Variants in PARP4 observed in about 807,000 individuals in gnomAD.
The protein encoded by PARP4 is protein mono-ADP-ribosyltransferase PARP4.
Under a neutral mutation model 187.7 loss-of-function variants are expected in PARP4, and 120 were observed. That is an observed-to-expected ratio of 0.64 (90% CI 0.55 to 0.74). The LOEUF (loss-of-function observed/expected upper bound fraction) is 0.74, where lower values mean the gene tolerates loss of function less well. Ranked by LOEUF, PARP4 falls within the 30% of genes least tolerant of loss-of-function variation. The pLI is 0.00. For missense variants in PARP4, 1,836 were observed against 2,070.5 expected (o/e 0.89, Z 2.20); for synonymous variants, 654 against 740.9 (o/e 0.88, Z 1.90).
At chr13:24,490,319 G>A (rs3783076) in intron 10 of PARP4, among the ~76,000 whole-genome samples, 56,473 of 152,046 alleles carry the variant, frequency 0.37, 10,810 homozygotes, top group Middle Eastern at 0.43. Context: ...GAGAGGCCAC[G>A]TTAGAGACGC....
At chr13:24,474,450 T>C (rs975100428) in intron 15 of PARP4, among the ~76,000 whole-genome samples, 2 of 143,348 alleles carry the variant, frequency 1.4e-5, no homozygotes, top group Non-Finnish European at 3.1e-5. Flanking sequence ...GCCAAGGTTC[T>C]GACCCCTCCC....
chr13:24,476,783 G>C (rs942741887), intron 14 of PARP4, among the ~76,000 whole-genome samples: 1 of 152,192 alleles, frequency 6.6e-6, no homozygotes. Flanking sequence ...ATGATACTCT[G>C]AGAAGTGAAT....
rs555997858 is a variant in PARP4, at chr13:24,500,421, A to G, written c.335-39T>C. ...CAAACAGCACACTTGTTTACTGCCCAAAGACTTACTATAATTAGTTAACCT... is the reference window on the plus strand; with the variant it reads ...CAAACAGCACACTTGTTTACTGCCCGAAGACTTACTATAATTAGTTAACCT... On this transcript the variant is annotated intron_variant, in intron 3 of 33. Coordinates refer to ENST00000381989, the MANE Select transcript of PARP4 (RefSeq NM_006437.4). 30 of 1,282,568 alleles carry G rather than the reference A, an allele frequency of 2.3e-5. No homozygotes were observed. The African/African-American group carries it at 3.1e-4, about 13-fold the overall frequency. The allele number at this position is 1,282,568 out of a possible 1,614,324, so 79.4% of individuals were successfully genotyped here.
intron 17 of PARP4, among the ~76,000 whole-genome samples, chr13:24,461,975 G>A (rs896597677): frequency 2.0e-5 from 3 of 152,128 alleles, no homozygotes; most frequent in African/African-American, 7.2e-5. Flanking sequence ...GCTACAACTG[G>A]AGGAAAGGCA....
At chr13:24,443,952 C>T (rs138636882) in intron 27 of PARP4, among the ~76,000 whole-genome samples, 95 of 152,314 alleles carry the variant, frequency 6.2e-4, no homozygotes, top group African/African-American at 2.1e-3. Flanking sequence ...CCTGTGTGCC[C>T]GTGTAGCTTC....
At chr13:24,510,136 T>C (rs1165041506) in intron 1 of PARP4, among the ~76,000 whole-genome samples, 1 of 152,240 alleles carries the variant, frequency 6.6e-6, no homozygotes, top group African/African-American at 2.4e-5. Context: ...TTTCACAGCT[T>C]ATTTAGCTTT....
chr13:24,493,792 C>T, intron 7 of PARP4, 59 bp from the exon 8 acceptor site: 2 of 1,536,838 alleles, frequency 1.3e-6, no homozygotes, highest in Non-Finnish European at 1.8e-6. Flanking sequence ...TTGTGTAAAA[C>T]TTACATGGGC....
At chr13:24,466,564 G>T (rs887894382) in intron 17 of PARP4, among the ~76,000 whole-genome samples, 2 of 152,102 alleles carry the variant, frequency 1.3e-5, no homozygotes, top group African/African-American at 4.8e-5. Flanking sequence ...GGAGGCAGAG[G>T]CAGGAGAATC....
intron 15 of PARP4, among the ~76,000 whole-genome samples, chr13:24,472,146 C>A (rs549375945): frequency 6.8e-6 from 1 of 147,518 alleles, no homozygotes; most frequent in Non-Finnish European, 1.5e-5. Flanking sequence ...GCTTCTTCTT[C>A]CAAACAATGG....
At chr13:24,432,522 C>T (rs985798871) in intron 31 of PARP4, among the ~76,000 whole-genome samples, 1 of 152,160 alleles carries the variant, frequency 6.6e-6, no homozygotes, top group African/African-American at 2.4e-5. Flanking sequence ...ACTTTCCTTC[C>T]ACCCCTTTTG....
chr13:24,455,781 C>A (rs1871812888), intron 21 of PARP4, among the ~76,000 whole-genome samples: 1 of 151,528 alleles, frequency 6.6e-6, no homozygotes, highest in Admixed American at 6.6e-5. Context: ...CCACACCTGG[C>A]TAATTTTTTT....
At chr13:24,480,133 G>A (rs559186734) in intron 12 of PARP4, among the ~76,000 whole-genome samples, 2 of 152,336 alleles carry the variant, frequency 1.3e-5, no homozygotes, top group South Asian at 2.1e-4. Context: ...GCGAGGGTCC[G>A]CGGCTTCATT....
chr13:24,498,801 C>T (rs9581084), intron 5 of PARP4, among the ~76,000 whole-genome samples: 14,989 of 151,844 alleles, frequency 0.099, 815 homozygotes, highest in Non-Finnish European at 0.12. Context: ...GGAATGGAAA[C>T]GCAACATAGT....
intron 1 of PARP4, among the ~76,000 whole-genome samples, 168 bp from the exon 2 acceptor site, chr13:24,503,945 A>C (rs1869457718): frequency 6.6e-6 from 1 of 152,202 alleles, no homozygotes; most frequent in East Asian, 1.9e-4. Context: ...CTAGCTTGCA[A>C]TATGTGTGTT....
chr13:24,421,172 G>A lies in PARP4; in HGVS notation c.5122C>T (p.Pro1708Ser). 1 of 1,478,100 alleles carries A rather than the reference G, an allele frequency of 6.8e-7. No homozygotes were observed. The allele number at this position is 1,478,100 out of a possible 1,614,324, so 91.6% of individuals were successfully genotyped here. A position where few individuals can be genotyped will look rare whatever the true frequency, so the allele number is the denominator to read the frequency against. ...TGAAGAGGGGACACAGTGCTTATGG[G>A]CTGGAGTCCCAGCAACTGCTTGGTG... Reference protein sequence around the residue: ...SATKQLLGLQPISTVSPLHRV... With the variant: ...SATKQLLGLQSISTVSPLHRV... Residue 1708 changes from proline (P) to serine (S), a missense_variant, in exon 34 of 34, where the codon CCC (proline) becomes TCC (serine). Physicochemically the swap from Pro to Ser is moderately conservative, Grantham distance 74 (BLOSUM62 -1). Around this residue, in one of 8 missense-constraint regions of PARP4, gnomAD observed 29 missense variants for 81.3 expected, o/e 0.36. Transcript: ENST00000381989.
chr13:24,508,431 GA>G (rs1344906582), intron 1 of PARP4, among the ~76,000 whole-genome samples: 3 of 152,036 alleles, frequency 2.0e-5, no homozygotes, highest in Non-Finnish European at 4.4e-5. Context: ...GAAAAAAAAA[GA>G]ACAAAACAAA....
At chr13:24,470,142 C>T (rs574039572) in intron 15 of PARP4, 117 bp from the exon 16 acceptor site, 441 of 956,522 alleles carry the variant, frequency 4.6e-4, no homozygotes, top group African/African-American at 8.4e-4. Flanking sequence ...ATTTGTATCA[C>T]GTCCCTCAAA....
At chr13:24,490,550 A>G in intron 10 of PARP4, 118 bp downstream of exon 10, 4 of 810,114 alleles carry the variant, frequency 4.9e-6, no homozygotes, top group Non-Finnish European at 8.0e-6. Context: ...TCATCACACC[A>G]CCGCTACTGT....
At position 24,435,264 on chromosome 13, in the gene PARP4, A is replaced by G. The variant is rs776925547; in HGVS notation, c.3877T>C (p.Cys1293Arg). Residue 1293 changes from cysteine to arginine, a missense_variant, in exon 31 of 34, where the codon TGT becomes CGT. Physicochemically the swap from Cys to Arg is radical, Grantham distance 180. Coordinates refer to ENST00000381989, the MANE Select transcript of PARP4 (RefSeq NM_006437.4). ...KLLDLSWTESCKPTATEPLFK... is the reference protein window; with the variant it reads ...KLLDLSWTESRKPTATEPLFK... ...AGTGGTTCAGTTGCTGTTGGTTTACATGACTCTGTCCAACTTAAATCCAAT... is the reference window on the plus strand; with the variant it reads ...AGTGGTTCAGTTGCTGTTGGTTTACGTGACTCTGTCCAACTTAAATCCAAT... 12 of 1,613,676 alleles carry G rather than the reference A, an allele frequency of 7.4e-6. No individual in the cohort carries two copies. Among genetic ancestry groups the G allele is most frequent in the Non-Finnish European group, 9.3e-6 (11 of 1,180,002 alleles).
Sources: allele counts gnomAD v4.1 joint callset (sites outside exome capture counted in the v4.1 genomes callset), GRCh38; gene constraint gnomAD v4.1.1; regional missense constraint gnomAD v4.1.1; transcripts MANE v1.5; gene names NCBI Gene and HGNC (gene_info 2026-07-23, HGNC 2026-07-21).